The following OMA1 variants were observed in gnomAD, a reference collection of about 807,000 sequenced individuals.
OMA1 encodes the protein OMA1 zinc metallopeptidase.
A neutral mutation model predicts 30.9 loss-of-function variants in OMA1; 38 were observed. That is an observed-to-expected ratio of 1.23 (90% confidence interval 0.95 to 1.61). The LOEUF (loss-of-function observed/expected upper bound fraction) is 1.61, where lower values mean the gene tolerates loss of function less well. Ranked by LOEUF, OMA1 falls within the 40% of genes most tolerant of loss-of-function variation. The pLI, the probability that OMA1 is intolerant of heterozygous loss-of-function variation, is 0.00. For missense variants in OMA1, 461 were observed against 349.2 expected, an observed-to-expected ratio of 1.32 and a Z score of -2.55; for synonymous variants, 173 against 121.9, an observed-to-expected ratio of 1.42 and a Z score of -2.76.
chr1:58,490,056 C>T (rs1645651384), intron 8 of OMA1, among the ~76,000 whole-genome samples: 2 of 152,234 alleles, frequency 1.3e-5, no homozygotes, highest in Admixed American at 1.3e-4. Context: ...CAAAGGAACA[C>T]AGCTCGTCAC....
At chr1:58,543,052 G>C (rs569465807) in intron 1 of OMA1, among the ~76,000 whole-genome samples, 1 of 151,748 alleles carries the variant, frequency 6.6e-6, no homozygotes, top group African/African-American at 2.4e-5. Flanking sequence ...CAGAAGATAA[G>C]TGAGAGACCA....
At chr1:58,533,909 C>A in intron 5 of OMA1, 44 bp downstream of exon 5, 5 of 849,938 alleles carry the variant, frequency 5.9e-6, no homozygotes, top group Non-Finnish European at 1.0e-5. Flanking sequence ...TTGTTAACTT[C>A]AAAGCAGTTT....
chr1:58,496,137 G>A (rs977399564), intron 8 of OMA1, among the ~76,000 whole-genome samples: 1 of 151,494 alleles, frequency 6.6e-6, no homozygotes, highest in Non-Finnish European at 1.5e-5. Context: ...GGATTTCCTG[G>A]TGCCTTTTCA....
At chr1:58,530,486 G>A (rs1341259387) in intron 6 of OMA1, 115 bp downstream of exon 6, 12 of 614,530 alleles carry the variant, frequency 2.0e-5, no homozygotes, top group African/African-American at 5.5e-5. Flanking sequence ...CTAAAAATTC[G>A]TACCCATATT....
At chr1:58,534,681 T>C (rs1646489042) in intron 3 of OMA1, among the ~76,000 whole-genome samples, 1 of 152,244 alleles carries the variant, frequency 6.6e-6, no homozygotes, top group Admixed American at 6.5e-5. Context: ...ACGCCTGTAA[T>C]CCCAGAACTA....
rs1646621479 is a variant in OMA1, at chr1:58,541,640, A to AC, written c.-16-2331_-16-2330insG. 4.2e-5 allele frequency: 6 copies of AC among 142,012 alleles called. No individual in the cohort carries two copies. The South Asian group carries it at 1.1e-3, about 27-fold the overall frequency. 8.8% of individuals were successfully genotyped at this position (142,012 alleles called of 1,614,324 possible). ...AAAAAAAAAAAAAAAAAAAAAAAAA[A>AC]ACCAAAAACAAAAAACAAAAAAACC... On this transcript the variant is annotated intron_variant, in intron 1 of 8. Transcript: ENST00000371226.
chr1:58,514,559 T>A (rs1569928050), intron 7 of OMA1, among the ~76,000 whole-genome samples: 1 of 152,174 alleles, frequency 6.6e-6, no homozygotes, highest in South Asian at 2.1e-4. Context: ...AATCTTTTTT[T>A]AGGAAACCAT....
chr1:58,491,755 A>G (rs954117058), intron 8 of OMA1, among the ~76,000 whole-genome samples: 2 of 152,236 alleles, frequency 1.3e-5, no homozygotes, highest in Non-Finnish European at 2.9e-5. Flanking sequence ...GAGCACCCAG[A>G]TTCATAAAGC....
chr1:58,505,021 C>T (rs1458670383), intron 8 of OMA1, among the ~76,000 whole-genome samples: 2 of 152,012 alleles, frequency 1.3e-5, no homozygotes, highest in Non-Finnish European at 2.9e-5. Context: ...GGCACGATCT[C>T]GGCTCACTAC....
chr1:58,521,953 C>A (rs1646271653), intron 7 of OMA1, among the ~76,000 whole-genome samples: 2 of 152,112 alleles, frequency 1.3e-5, no homozygotes, highest in South Asian at 4.1e-4. Context: ...CAGGACATTA[C>A]AAGAAAAGAA....
chr1:58,546,252 A>G (rs2087799), intron 1 of OMA1, among the ~76,000 whole-genome samples: 98,828 of 152,186 alleles, frequency 0.65, 34,203 homozygotes, highest in East Asian at 0.94. Flanking sequence ...GAAAGAGACG[A>G]ATGCCCGACG....
chr1:58,545,507 A>G (rs1326726919), intron 1 of OMA1, among the ~76,000 whole-genome samples: 2 of 81,638 alleles, frequency 2.4e-5, no homozygotes, highest in East Asian at 3.5e-3. Flanking sequence ...CAGAGCACAT[A>G]AGAAAAAAAA....
chr1:58,534,997 C>T (rs6682720), intron 3 of OMA1, among the ~76,000 whole-genome samples: 17,663 of 152,100 alleles, frequency 0.12, 1,217 homozygotes, highest in African/African-American at 0.18. Flanking sequence ...AAGTAAAATA[C>T]AAAAGAAAAT....
intron 8 of OMA1, among the ~76,000 whole-genome samples, chr1:58,501,459 T>A (rs548253362): frequency 5.6e-4 from 86 of 152,294 alleles, no homozygotes; most frequent in African/African-American, 2.0e-3. Flanking sequence ...TTGTCCCATC[T>A]CTGTGAACAA....
chr1:58,523,847 C>T (rs1425677384), intron 7 of OMA1, among the ~76,000 whole-genome samples: 3 of 151,342 alleles, frequency 2.0e-5, no homozygotes, highest in Non-Finnish European at 2.9e-5. Context: ...TGCAGTGAGC[C>T]GAGATCACAC....
intron 1 of OMA1, among the ~76,000 whole-genome samples, chr1:58,542,051 C>T (rs725907): frequency 0.13 from 20,507 of 152,150 alleles, 1,527 homozygotes; most frequent in African/African-American, 0.19. Flanking sequence ...TATATCAAAC[C>T]ATTTGAAAAT....
intron 8 of OMA1, 103 bp from the exon 9 acceptor site, chr1:58,481,277 T>C (rs1645478006): frequency 4.6e-6 from 2 of 430,886 alleles, no homozygotes; most frequent in African/African-American, 4.1e-5. Flanking sequence ...AAAGAATGTA[T>C]TGTTATTTTT....
intron 7 of OMA1, among the ~76,000 whole-genome samples, chr1:58,523,719 G>A (rs1646304381): frequency 6.6e-6 from 1 of 152,154 alleles, no homozygotes; most frequent in African/African-American, 2.4e-5. Flanking sequence ...CTAACACGGT[G>A]AAACCCCATC....
intron 7 of OMA1, among the ~76,000 whole-genome samples, chr1:58,514,884 T>C (rs756404774): frequency 2.6e-5 from 4 of 152,210 alleles, no homozygotes; most frequent in African/African-American, 4.8e-5. Context: ...TTACTGTCTA[T>C]GAGAGCTTTG....
Sources: allele counts gnomAD v4.1 joint callset (sites outside exome capture counted in the v4.1 genomes callset), GRCh38; gene constraint gnomAD v4.1.1; transcripts MANE v1.5; gene names NCBI Gene and HGNC (gene_info 2026-07-23, HGNC 2026-07-21).